The following SMUG1 variants were observed in gnomAD, a reference collection of about 807,000 sequenced individuals.
SMUG1 encodes single-strand selective monofunctional uracil DNA glycosylase.
Under a neutral mutation model 23.9 loss-of-function variants are expected in SMUG1, and 13 were observed. That is an observed-to-expected ratio of 0.54 (90% CI 0.35 to 0.86). SMUG1 has a LOEUF of 0.86. Ranked by LOEUF, SMUG1 falls within the 40% of genes least tolerant of loss-of-function variation. SMUG1 has a pLI of 0.01. For synonymous variants in SMUG1, 133 were observed against 139.8 expected (o/e 0.95, Z 0.34); for missense variants, 313 against 339.5 (o/e 0.92, Z 0.61).
chr12:54,162,974 G>A (rs1283803899), downstream of SMUG1, among the ~76,000 whole-genome samples: 1 of 152,220 alleles, frequency 6.6e-6, no homozygotes, highest in Non-Finnish European at 1.5e-5. Context: ...GAACGAGGGA[G>A]CTGTCGGGCT....
chr12:54,176,873 A>C (rs982164519), downstream of SMUG1, among the ~76,000 whole-genome samples: 1 of 151,098 alleles, frequency 6.6e-6, no homozygotes, highest in African/African-American at 2.4e-5. Context: ...TCACCAACAC[A>C]ATCTATCCCT....
chr12:54,188,746 T>A (rs1349713444), intron 1 of SMUG1: 3 of 152,288 alleles, frequency 2.0e-5, no homozygotes, highest in African/African-American at 7.2e-5. Flanking sequence ...GCCCGCTGGC[T>A]CCGGCCGACT....
At chr12:54,162,728 C>T (rs1449176224), downstream of SMUG1, 1 of 152,184 alleles carries the variant, frequency 6.6e-6, no homozygotes, top group African/African-American at 2.4e-5. Context: ...GTGGCAACCC[C>T]ATGGGCATGA....
At chr12:54,168,745 G>A (rs1940546743) in intron 3 of SMUG1, 2 of 152,144 alleles carry the variant, frequency 1.3e-5, no homozygotes, top group African/African-American at 4.8e-5. Context: ...GGCTTGAGTT[G>A]GGAACAGGGG....
rs570179904 is a variant in SMUG1 at position 54,186,418 on chromosome 12, C to G, written c.-20+1401G>C. Among the ~76,000 whole-genome samples the G allele has an allele frequency of 2.7e-4, 41 of 151,974 alleles. No homozygotes were observed. In the South Asian group the frequency reaches 6.9e-3, roughly 25 times the overall value. On this transcript the variant is annotated intron_variant, in intron 2 of 3. Transcript: ENST00000682136. ...AGTGCAGTGGCGCGATCTCAGCTCACTGCAACCTCTGCCTCCCGGGTTCAA... is the reference window on the plus strand; with the variant it reads ...AGTGCAGTGGCGCGATCTCAGCTCAGTGCAACCTCTGCCTCCCGGGTTCAA...
At chr12:54,160,357 C>T (rs896309574), downstream of SMUG1, among the ~76,000 whole-genome samples, 1 of 152,220 alleles carries the variant, frequency 6.6e-6, no homozygotes, top group Non-Finnish European at 1.5e-5. Flanking sequence ...TGTGGCTGGG[C>T]CGTGCCAGAG....
In SMUG1 at chr12:54,180,924, G is replaced by A. The variant is rs1197440005; in HGVS notation, c.*1172C>T. 1 of 150,822 alleles carries A rather than the reference G, an allele frequency of 6.6e-6. No individual in the cohort carries two copies. The highest frequency in any genetic ancestry group is 1.5e-5 in the Non-Finnish European group (1 of 67,940). 9.3% of individuals were successfully genotyped at this position (150,822 alleles called of 1,614,324 possible). A position where few individuals can be genotyped will look rare whatever the true frequency, so the allele number is the denominator to read the frequency against. ...AATCACTTGAACCGGGAAAGCAGAT[G>A]TTGCAGTGAACTGAGACCATGCCAC... is the stretch of plus-strand genomic sequence containing the variant. On this transcript the variant is annotated 3_prime_UTR_variant, in exon 4 of 4. Coordinates refer to ENST00000682136, the MANE Select transcript of SMUG1 (RefSeq NM_001243787.2).
chr12:54,182,354 C>T lies in SMUG1; in HGVS notation c.555G>A (p.Lys185=), dbSNP rs1238899149. ...RNLTPAELPA[K]QREQLLGICD... ...AGATCCCAAGAAGCTGTTCTCGCTG[C>T]TTGGCAGGCAGCTCAGCAGGAGTAA... Residue 185 remains lysine, a synonymous_variant, in exon 4 of 4, where the codon AAG becomes AAA. Transcript: ENST00000682136. 2.5e-6 allele frequency: 4 copies of T among 1,614,048 alleles called. No homozygotes were observed. The highest frequency in any genetic ancestry group is 2.7e-5 in the African/African-American group (2 of 74,912).
chr12:54,187,375 G>C (rs931967847), intron 2 of SMUG1: 1 of 152,226 alleles, frequency 6.6e-6, no homozygotes, highest in African/African-American at 2.4e-5. Flanking sequence ...GTCTTTAACT[G>C]ATCTGTTGTC....
chr12:54,178,613 G>T (rs969835417), downstream of SMUG1, among the ~76,000 whole-genome samples: 1 of 151,906 alleles, frequency 6.6e-6, no homozygotes, highest in Non-Finnish European at 1.5e-5. Context: ...CTATTGTTGG[G>T]TATTTTCAGT....
intron 3 of SMUG1, among the ~76,000 whole-genome samples, chr12:54,165,720 C>T (rs1003277727): frequency 2.6e-5 from 4 of 151,964 alleles, no homozygotes; most frequent in African/African-American, 4.8e-5. Flanking sequence ...ACAGAACCAT[C>T]GAAACACCCA....
chr12:54,181,527 G>A lies in SMUG1; in HGVS notation c.*569C>T. ...TCAAAAAGTTCCAAGTTTCAAAGCT[G>A]GGATGAAAAGCCAGGTCTTCTGACT... On this transcript the variant is annotated 3_prime_UTR_variant, in exon 4 of 4. Transcript: ENST00000682136. 1.3e-6 allele frequency: 2 copies of A among 1,535,190 alleles called. No individual in the cohort carries two copies. The highest frequency in any genetic ancestry group is 1.2e-5 in the South Asian group (1 of 84,076).
At chr12:54,171,438 T>A (rs1325875516) in intron 3 of SMUG1, among the ~76,000 whole-genome samples, 2 of 147,354 alleles carry the variant, frequency 1.4e-5, no homozygotes, top group Non-Finnish European at 3.0e-5. Flanking sequence ...ACACTTGTAA[T>A]CCCAGCACTT....
At chr12:54,177,315 C>T (rs1373107054), downstream of SMUG1, among the ~76,000 whole-genome samples, 12 of 152,082 alleles carry the variant, frequency 7.9e-5, no homozygotes, top group Non-Finnish European at 5.9e-5. Context: ...TTTTTTTAAA[C>T]CTCCACCGGT....
At chr12:54,158,952 G>C (rs921255765) in intron 4 of SMUG1, among the ~76,000 whole-genome samples, 7 of 152,290 alleles carry the variant, frequency 4.6e-5, no homozygotes, top group Non-Finnish European at 1.0e-4. Flanking sequence ...TCTGTGGGAT[G>C]GCCTTGGAGA....
chr12:54,167,945 G>A (rs781395662), intron 3 of SMUG1, among the ~76,000 whole-genome samples: 1 of 152,196 alleles, frequency 6.6e-6, no homozygotes, highest in Non-Finnish European at 1.5e-5. Flanking sequence ...AGGTAGTCTG[G>A]ATAATGTTCA....
rs1269989155 is a variant in SMUG1, at chr12:54,186,004, CCA to C, written c.-20+1813_-20+1814del. ...TGCTTCACTCCACTCCCATTCAAACCCAGTGTTCCAACCTGACCATTCTACTC... is the reference window on the plus strand; with the variant it reads ...TGCTTCACTCCACTCCCATTCAAACCGTGTTCCAACCTGACCATTCTACTC... On this transcript the variant is annotated intron_variant, in intron 2 of 3. Transcript: ENST00000682136. Among the ~76,000 whole-genome samples, 4 of 152,270 alleles carry C rather than the reference CCA, an allele frequency of 2.6e-5. No individual in the cohort carries two copies. In the South Asian group the frequency reaches 6.2e-4, roughly 24 times the overall value.
rs371695596 is a variant in SMUG1 at position 54,182,077 on chromosome 12, T to C, written c.*19A>G. 7.7e-5 allele frequency: 117 copies of C among 1,522,380 alleles called. No homozygotes were observed. Among genetic ancestry groups the C allele is most frequent in the Non-Finnish European group, 9.0e-5 (102 of 1,136,210 alleles). 94.3% of individuals were successfully genotyped at this position (1,522,380 alleles called of 1,614,324 possible). ...ACTTCGAGGTCTTGAATGTGTCCCA[T>C]GCAAGGCCCCAAGGGCACTCATTTC... is the stretch of plus-strand genomic sequence containing the variant. On this transcript the variant is annotated 3_prime_UTR_variant, in exon 4 of 4. Coordinates refer to ENST00000682136, the MANE Select transcript of SMUG1 (RefSeq NM_001243787.2).
chr12:54,182,805 C>T lies in SMUG1; in HGVS notation c.286-182G>A, dbSNP rs182375610. The T allele has an allele frequency of 8.9e-5, 111 of 1,250,582 alleles. No individual in the cohort carries two copies. The Admixed American group carries it at 3.1e-3, about 35-fold the overall frequency. 77.5% of individuals were successfully genotyped at this position (1,250,582 alleles called of 1,614,324 possible). On this transcript the variant is annotated intron_variant, in intron 3 of 3. Transcript: ENST00000682136. ...TGGTTTGAGCCTGTCTGTCTTTTTC[C>T]AGTTCTTCATTGTGAACCGTGGTCC...
Sources: gnomAD v4.1 joint callset for allele counts (sites outside exome capture counted in the v4.1 genomes callset) on GRCh38, gnomAD v4.1.1 for gene constraint, MANE v1.5 for transcripts, NCBI Gene and HGNC (gene_info 2026-07-23, HGNC 2026-07-21) for gene names.